The following SEMA6D variants were observed in gnomAD, a reference collection of about 807,000 sequenced individuals.
The protein encoded by SEMA6D is semaphorin-6D.
Under a neutral mutation model 106.6 loss-of-function variants are expected in SEMA6D, and 35 were observed. That is an observed-to-expected ratio of 0.33 (90% CI 0.25 to 0.44). The LOEUF (loss-of-function observed/expected upper bound fraction) is 0.44. Among genes scored for constraint, SEMA6D ranks in the 20% least tolerant of loss-of-function variants. The pLI is 1.00. For missense variants in SEMA6D, 1,185 were observed against 1,345.9 expected (o/e 0.88, Z 1.87); for synonymous variants, 499 against 487.7 (o/e 1.02, Z -0.31).
At chr15:47,440,338 A>G (rs901041876) in intron 2 of SEMA6D, among the ~76,000 whole-genome samples, 7 of 152,072 alleles carry the variant, frequency 4.6e-5, no homozygotes, top group African/African-American at 1.7e-4. Context: ...ATTGCAGCAA[A>G]TCGGGGATAG....
intron 1 of SEMA6D, among the ~76,000 whole-genome samples, chr15:47,268,290 A>T (rs534588433): frequency 6.6e-6 from 1 of 152,234 alleles, no homozygotes; most frequent in African/African-American, 2.4e-5. Flanking sequence ...ACTGACCTAG[A>T]CCTTCCATTT....
intron 1 of SEMA6D, among the ~76,000 whole-genome samples, chr15:47,409,683 A>C (rs376525731): frequency 2.3e-4 from 35 of 152,188 alleles, no homozygotes; most frequent in African/African-American, 7.9e-4. Flanking sequence ...AGAGAGGTGA[A>C]GTTATTTGTC....
At chr15:47,434,529 C>T (rs1366998119) in intron 2 of SEMA6D, among the ~76,000 whole-genome samples, 7 of 152,074 alleles carry the variant, frequency 4.6e-5, no homozygotes, top group Non-Finnish European at 1.0e-4. Context: ...ATTTTGGAAG[C>T]TTCCATGATC....
At chr15:47,616,975 C>T (rs368689803) in intron 4 of SEMA6D, among the ~76,000 whole-genome samples, 1 of 152,144 alleles carries the variant, frequency 6.6e-6, no homozygotes, top group African/African-American at 2.4e-5. Context: ...TTTTTTACAC[C>T]TGAATTTCTA....
chr15:47,228,148 A>ACC (rs2031926936), intron 1 of SEMA6D, among the ~76,000 whole-genome samples: 2 of 115,666 alleles, frequency 1.7e-5, no homozygotes, highest in South Asian at 4.8e-4. Context: ...ACACACACAC[A>ACC]CACACACACA....
chr15:47,380,548 A>G (rs1201732046), intron 1 of SEMA6D: 6 of 152,232 alleles, frequency 3.9e-5, no homozygotes, highest in African/African-American at 7.2e-5. Context: ...GTTTATTTTC[A>G]TATTCATATT....
intron 1 of SEMA6D, among the ~76,000 whole-genome samples, chr15:47,236,363 C>G (rs2032539568): frequency 6.6e-6 from 1 of 152,016 alleles, no homozygotes. Flanking sequence ...TCTCCACCCC[C>G]ATGTTGCCAT....
chr15:47,246,728 A>G (rs2033228207), intron 1 of SEMA6D, among the ~76,000 whole-genome samples: 2 of 152,200 alleles, frequency 1.3e-5, no homozygotes, highest in South Asian at 4.1e-4. Flanking sequence ...CAGATAATCT[A>G]GAATAATCTC....
chr15:47,532,146 T>G (rs1234956248), intron 3 of SEMA6D, among the ~76,000 whole-genome samples: 1 of 152,140 alleles, frequency 6.6e-6, no homozygotes, highest in African/African-American at 2.4e-5. Context: ...TCCAGGAAGT[T>G]TTCCTGTAAT....
chr15:47,410,837 A>G lies in SEMA6D; in HGVS notation c.-238-1556A>G, dbSNP rs935014025. Among the ~76,000 whole-genome samples, 10 of 152,344 alleles carry G rather than the reference A, an allele frequency of 6.6e-5. No homozygotes were observed. The East Asian group carries it at 1.5e-3, about 23-fold the overall frequency. ...TGCCCAAATATTTTCAGTCTTTAAC[A>G]AAACTGACCTAATGATAATACTACC... On this transcript the variant is annotated intron_variant, in intron 1 of 19. Transcript: ENST00000558014.
At chr15:47,766,333 G>A in intron 15 of SEMA6D, 151 bp downstream of exon 15, 2 of 707,554 alleles carry the variant, frequency 2.8e-6, no homozygotes, top group Non-Finnish European at 4.7e-6. Flanking sequence ...GACGTGACAA[G>A]GAAGGGAATA....
At chr15:47,639,947 G>A (rs2077458540) in intron 4 of SEMA6D, among the ~76,000 whole-genome samples, 1 of 152,110 alleles carries the variant, frequency 6.6e-6, no homozygotes, top group African/African-American at 2.4e-5. Context: ...ACTGCAAAAA[G>A]ACATTGGGTA....
intron 3 of SEMA6D, among the ~76,000 whole-genome samples, chr15:47,579,962 A>G (rs2076227034): frequency 6.6e-6 from 1 of 152,248 alleles, no homozygotes; most frequent in African/African-American, 2.4e-5. Context: ...TTTAAAGGAA[A>G]GAGCATTCCT....
intron 3 of SEMA6D, among the ~76,000 whole-genome samples, chr15:47,476,216 T>G (rs189561637): frequency 6.6e-6 from 1 of 152,184 alleles, no homozygotes; most frequent in African/African-American, 2.4e-5. Context: ...AAGCATAGAT[T>G]TCATGGAAAG....
chr15:47,579,325 A>G (rs939078409), intron 3 of SEMA6D, among the ~76,000 whole-genome samples: 4 of 151,682 alleles, frequency 2.6e-5, no homozygotes, highest in African/African-American at 9.7e-5. Context: ...TATTTTTAGT[A>G]GAGACGGGGT....
intron 3 of SEMA6D, among the ~76,000 whole-genome samples, chr15:47,562,429 GCTT>G (rs1451230024): frequency 1.3e-5 from 2 of 151,922 alleles, no homozygotes; most frequent in Admixed American, 1.3e-4. Context: ...GCCATAAAAA[GCTT>G]GACAAATAGG....
At chr15:47,220,828 G>A (rs1042727169) in intron 1 of SEMA6D, among the ~76,000 whole-genome samples, 2 of 152,088 alleles carry the variant, frequency 1.3e-5, no homozygotes, top group Non-Finnish European at 2.9e-5. Flanking sequence ...AGAAGCATTT[G>A]CAACTTTTGT....
chr15:47,229,755 T>G, intron 1 of SEMA6D, among the ~76,000 whole-genome samples: 1 of 152,124 alleles, frequency 6.6e-6, no homozygotes, highest in Admixed American at 6.6e-5. Context: ...TCTTAAAACC[T>G]TTGAAGTCTG....
At chr15:47,481,608 T>C (rs2043154379) in intron 3 of SEMA6D, among the ~76,000 whole-genome samples, 1 of 152,154 alleles carries the variant, frequency 6.6e-6, no homozygotes, top group South Asian at 2.1e-4. Context: ...GTGAGGCCAC[T>C]GACAGTCCCA....
Sources: gnomAD v4.1 joint callset for allele counts (sites outside exome capture counted in the v4.1 genomes callset) on GRCh38, gnomAD v4.1.1 for gene constraint, MANE v1.5 for transcripts, NCBI Gene and HGNC (gene_info 2026-07-23, HGNC 2026-07-21) for gene names.